Variants in PRUNE2 observed in about 807,000 individuals in gnomAD.
The protein encoded by PRUNE2 is prune homolog 2 with BCH domain, also known as protein prune homolog 2.
In PRUNE2, 164 loss-of-function variants were observed where a neutral mutation model predicts 252.0. The observed-to-expected ratio is 0.65, with a 90% CI of 0.57 to 0.74. The LOEUF is 0.74. Ranked by LOEUF, PRUNE2 falls within the 30% of genes least tolerant of loss-of-function variation. The pLI is 0.00. For missense variants in PRUNE2, 3,495 were observed against 3,711.0 expected, an observed-to-expected ratio of 0.94 and a Z score of 1.51; for synonymous variants, 1,292 against 1,350.2, an observed-to-expected ratio of 0.96 and a Z score of 0.94.
At chr9:76,842,613 C>T (rs146998757) in intron 4 of PRUNE2, among the ~76,000 whole-genome samples, 13,237 of 152,166 alleles carry the variant, frequency 0.087, 718 homozygotes, top group East Asian at 0.15. Context: ...CCAGAATCTA[C>T]AAGGAACTTA....
intron 6 of PRUNE2, chr9:76,738,387 G>T (rs1166023279): frequency 2.0e-5 from 3 of 152,102 alleles, no homozygotes; most frequent in Non-Finnish European, 4.4e-5. Flanking sequence ...ACCATACAAG[G>T]CTCCTTTGCA....
In PRUNE2 at chr9:76,636,454, GACA is replaced by G; in HGVS notation, c.9050+14_9050+16del. On this transcript the variant is annotated intron_variant, in intron 15 of 18. Coordinates refer to ENST00000376718, the MANE Select transcript of PRUNE2 (RefSeq NM_015225.3). ...ACTACTAGTAGTACTTTTATTTTAT[GACA>G]ACATTAACTGTACCTTATAAAAGGT... 1 of 1,394,222 alleles carries G rather than the reference GACA, an allele frequency of 7.2e-7. No individual in the cohort carries two copies. The allele number at this position is 1,394,222 out of a possible 1,614,324, so 86.4% of individuals were successfully genotyped here. A position where few individuals can be genotyped will look rare whatever the true frequency, so the allele number is the denominator to read the frequency against.
chr9:76,838,161 T>C (rs2059162825), intron 4 of PRUNE2, among the ~76,000 whole-genome samples: 1 of 151,598 alleles, frequency 6.6e-6, no homozygotes, highest in Admixed American at 6.6e-5. Flanking sequence ...ATCTTGACCT[T>C]TTTTTTTCTC....
chr9:76,795,947 G>A (rs953591841), intron 6 of PRUNE2, among the ~76,000 whole-genome samples: 5 of 152,062 alleles, frequency 3.3e-5, no homozygotes, highest in Non-Finnish European at 7.4e-5. Context: ...ATTGGTATTG[G>A]GACTATAAGA....
chr9:76,694,774 T>A (rs539914592), intron 9 of PRUNE2, among the ~76,000 whole-genome samples: 27 of 152,054 alleles, frequency 1.8e-4, no homozygotes, highest in East Asian at 1.4e-3. Flanking sequence ...AAATTTTTTT[T>A]AAATAAGAAT....
At chr9:76,725,033 T>G (rs2047991560) in intron 6 of PRUNE2, among the ~76,000 whole-genome samples, 1 of 152,146 alleles carries the variant, frequency 6.6e-6, no homozygotes, top group African/African-American at 2.4e-5. Flanking sequence ...TAATTATGTA[T>G]AGATTAAAAA....
intron 6 of PRUNE2, among the ~76,000 whole-genome samples, chr9:76,818,554 A>G (rs1260203037): frequency 1.3e-5 from 2 of 151,906 alleles, no homozygotes; most frequent in Non-Finnish European, 2.9e-5. Flanking sequence ...TTCACACAGC[A>G]GAGTGGCTGG....
At chr9:76,663,189 G>T (rs1354256342) in intron 9 of PRUNE2, among the ~76,000 whole-genome samples, 1 of 152,208 alleles carries the variant, frequency 6.6e-6, no homozygotes, top group African/African-American at 2.4e-5. Context: ...GACAGGAAAT[G>T]CTACAATAGG....
In PRUNE2 at chr9:76,648,061, T is replaced by C. The variant is rs1408438709; in HGVS notation, c.8558-3152A>G. On this transcript the variant is annotated intron_variant, in intron 11 of 18. Coordinates refer to ENST00000376718, the MANE Select transcript of PRUNE2 (RefSeq NM_015225.3). The stretch of plus-strand genomic sequence containing the variant: ...AAGATATACAGGTGACAGGTAAGCA[T>C]GTGAAAAGATATTCAATATCATGTG... Among the ~76,000 whole-genome samples, 4 of 152,170 alleles carry C rather than the reference T, an allele frequency of 2.6e-5. No individual in the cohort carries two copies. In the South Asian group the frequency reaches 6.2e-4, roughly 24 times the overall value.
At chr9:76,823,338 A>T (rs886702529) in intron 6 of PRUNE2, 2 of 287,460 alleles carry the variant, frequency 7.0e-6, no homozygotes, top group Non-Finnish European at 1.3e-5. Flanking sequence ...CACATATCAT[A>T]ATTGCTATTA....
At chr9:76,648,343 A>G (rs1467756435) in intron 11 of PRUNE2, among the ~76,000 whole-genome samples, 1 of 152,244 alleles carries the variant, frequency 6.6e-6, no homozygotes, top group African/African-American at 2.4e-5. Flanking sequence ...CTGAAAATGT[A>G]TGCCCACACA....
chr9:76,797,061 C>T (rs1193999029), intron 6 of PRUNE2, among the ~76,000 whole-genome samples: 4 of 146,612 alleles, frequency 2.7e-5, no homozygotes, highest in African/African-American at 1.1e-4. Flanking sequence ...AAGCATTTAA[C>T]AGTGTTACTA....
intron 6 of PRUNE2, among the ~76,000 whole-genome samples, chr9:76,731,602 G>A (rs1169314086): frequency 6.6e-6 from 1 of 152,016 alleles, no homozygotes; most frequent in Non-Finnish European, 1.5e-5. Flanking sequence ...TGCTGGGATT[G>A]CAGACCACCA....
intron 2 of PRUNE2, among the ~76,000 whole-genome samples, chr9:76,852,933 T>C (rs547214987): frequency 1.3e-5 from 2 of 152,312 alleles, no homozygotes; most frequent in Admixed American, 6.5e-5. Flanking sequence ...GGTGGTATTA[T>C]TGTTATATCA....
At chr9:76,618,473 G>A (rs1587661377) in intron 18 of PRUNE2, among the ~76,000 whole-genome samples, 1 of 152,194 alleles carries the variant, frequency 6.6e-6, no homozygotes, top group African/African-American at 2.4e-5. Flanking sequence ...GAAGCTCCTT[G>A]TCGGATGACC....
chr9:76,773,679 G>A (rs2130997230), intron 6 of PRUNE2, among the ~76,000 whole-genome samples: 1 of 152,106 alleles, frequency 6.6e-6, no homozygotes, highest in Non-Finnish European at 1.5e-5. Context: ...CCTGACCTCA[G>A]GTGATCCACC....
chr9:76,638,642 A>G (rs1425066067), intron 12 of PRUNE2, among the ~76,000 whole-genome samples: 1 of 152,206 alleles, frequency 6.6e-6, no homozygotes, highest in African/African-American at 2.4e-5. Flanking sequence ...TAAATGTCAG[A>G]TTTATATCAT....
intron 15 of PRUNE2, 107 bp from the exon 16 acceptor site, chr9:76,629,397 C>T (rs1439106212): frequency 1.7e-6 from 1 of 577,684 alleles, no homozygotes; most frequent in Non-Finnish European, 3.0e-6. Context: ...CTTGCCACAG[C>T]ACTCTTACTA....
rs1056563070 is a variant in PRUNE2, at chr9:76,869,365, C to T, written c.37-15157G>A. Among the ~76,000 whole-genome samples the T allele has an allele frequency of 2.0e-5, 3 of 152,134 alleles. No individual in the cohort carries two copies. In the South Asian group the frequency reaches 6.2e-4, roughly 32 times the overall value. Reference sequence around the variant, plus strand: ...GAGCAATTACTGTACTTTGCAAAGACGACAGTTTTTAATGATGCCATTATT... The same window carrying T: ...GAGCAATTACTGTACTTTGCAAAGATGACAGTTTTTAATGATGCCATTATT... On this transcript the variant is annotated intron_variant, in intron 1 of 18. Transcript: ENST00000376718.
Sources: gnomAD v4.1 joint callset for allele counts (sites outside exome capture counted in the v4.1 genomes callset) on GRCh38, gnomAD v4.1.1 for gene constraint, MANE v1.5 for transcripts, NCBI Gene and HGNC (gene_info 2026-07-23, HGNC 2026-07-21) for gene names.